ANLN: variants seen among roughly 807,000 people sequenced by gnomAD.
ANLN encodes the protein anillin.
Under a neutral mutation model 135.1 loss-of-function variants are expected in ANLN, and 59 were observed. That is an observed-to-expected ratio of 0.44 (90% CI 0.35 to 0.54). The LOEUF is 0.54. Ranked by LOEUF, ANLN falls within the 20% of genes least tolerant of loss-of-function variation. The probability of loss-of-function intolerance (pLI) is 0.00; values close to 1 mark genes in which losing one functional copy is unlikely to be tolerated. For missense variants in ANLN, 1,182 were observed against 1,340.0 expected (o/e 0.88, Z 1.84); for synonymous variants, 406 against 456.4 (o/e 0.89, Z 1.41).
chr7:36,425,630 G>C (rs919376605), intron 17 of ANLN, 72 bp from the exon 18 acceptor site: 7 of 1,191,248 alleles, frequency 5.9e-6, no homozygotes, highest in Non-Finnish European at 7.3e-6. Flanking sequence ...ATTTCTCAAG[G>C]TTGGATAGTT....
intron 23 of ANLN, among the ~76,000 whole-genome samples, chr7:36,451,505 T>A (rs767901447): frequency 6.6e-6 from 1 of 152,162 alleles, no homozygotes; most frequent in Non-Finnish European, 1.5e-5. Flanking sequence ...ACCTCCACAG[T>A]GACTAGAGAT....
In ANLN at chr7:36,449,666, A is replaced by T. The variant is rs375919058; in HGVS notation, c.3080A>T (p.Asn1027Ile). Residue 1027 changes from asparagine to isoleucine, a missense_variant and splice_region_variant, in exon 23 of 24, where the codon AAT (asparagine) becomes ATT (isoleucine). By Grantham distance (149) the Asn-to-Ile change is moderately radical. Transcript: ENST00000265748. ...WTYPDDEKRKNPIGRINLANC... is the reference protein window; with the variant it reads ...WTYPDDEKRKIPIGRINLANC... Reference sequence around the variant, plus strand: ...ATTTCTCTTAATTTGTTTTTAAAGAATCCCATAGGAAGGATAAATCTGGCT... The same window carrying T: ...ATTTCTCTTAATTTGTTTTTAAAGATTCCCATAGGAAGGATAAATCTGGCT... 1.2e-6 allele frequency: 2 copies of T among 1,605,114 alleles called. No individual in the cohort carries two copies. The highest frequency in any genetic ancestry group is 1.7e-5 in the Admixed American group (1 of 58,368).
chr7:36,444,374 C>G (rs1229936032), intron 22 of ANLN, among the ~76,000 whole-genome samples: 1 of 151,696 alleles, frequency 6.6e-6, no homozygotes. Flanking sequence ...TATCCATTCC[C>G]TATGATTTGA....
At position 36,422,660 on chromosome 7, in the gene ANLN, A is replaced by C; in HGVS notation, c.2327A>C (p.Glu776Ala). 1 of 1,608,434 alleles carries C rather than the reference A, an allele frequency of 6.2e-7. No homozygotes were observed. The highest frequency in any genetic ancestry group is 8.5e-7 in the Non-Finnish European group (1 of 1,178,528). The part of the protein sequence containing the change: ...ATGKRTLLID[E>A]LNKLKNEGPQ... ...GGGAAGAGAACACTTTTGATTGATG[A>C]ATTGAATAAATTGAAGAACGAAGGA... The change falls in exon 14 of 24, where the codon GAA becomes GCA. Residue 776 changes from glutamate to alanine, a missense_variant. This residue lies in a region of ANLN where 1,022 missense variants were observed against 1,134.0 expected (regional missense o/e 0.90). Transcript: ENST00000265748.
At chr7:36,396,552 A>G (rs983269500) in intron 2 of ANLN, 133 bp downstream of exon 2, 1 of 790,428 alleles carries the variant, frequency 1.3e-6, no homozygotes, top group Non-Finnish European at 1.8e-6. Context: ...TGGGGGAAAT[A>G]ACAGCCTTCT....
At chr7:36,406,089 C>G in intron 3 of ANLN, 92 bp from the exon 4 acceptor site, 6 of 1,243,444 alleles carry the variant, frequency 4.8e-6, no homozygotes, top group Non-Finnish European at 6.5e-6. Context: ...CTATTAATCT[C>G]ATTTAAAAAT....
chr7:36,395,741 C>T (rs946710012), intron 1 of ANLN, among the ~76,000 whole-genome samples: 1 of 151,876 alleles, frequency 6.6e-6, no homozygotes, highest in Non-Finnish European at 1.5e-5. Context: ...AGTGATCTGG[C>T]AGATTATCTG....
intron 7 of ANLN, 100 bp from the exon 8 acceptor site, chr7:36,415,658 A>C: frequency 3.9e-6 from 5 of 1,296,496 alleles, no homozygotes; most frequent in Non-Finnish European, 5.2e-6. Flanking sequence ...AAACTTATAC[A>C]GAATAATATT....
rs772861024 is a variant in ANLN at position 36,390,058 on chromosome 7, C to T, written c.18+14C>T. 6.2e-6 allele frequency: 10 copies of T among 1,613,422 alleles called. No individual in the cohort carries two copies. In the East Asian group the frequency reaches 8.9e-5, roughly 14 times the overall value. Reference sequence around the variant, plus strand: ...CCGTTTACGGAGGTGAGTGAGTTTGCGGGTGCAGCCAGCCATGACCCACCG... The same window carrying T: ...CCGTTTACGGAGGTGAGTGAGTTTGTGGGTGCAGCCAGCCATGACCCACCG... On this transcript the variant is annotated intron_variant, in intron 1 of 23. Coordinates refer to ENST00000265748, the MANE Select transcript of ANLN (RefSeq NM_018685.5).
intron 21 of ANLN, among the ~76,000 whole-genome samples, 181 bp downstream of exon 21, chr7:36,439,471 A>G (rs888720150): frequency 1.8e-4 from 28 of 152,260 alleles, no homozygotes; most frequent in African/African-American, 6.8e-4. Flanking sequence ...CACAAAAAAT[A>G]ATTCCTCTGC....
intron 3 of ANLN, among the ~76,000 whole-genome samples, chr7:36,401,032 G>C (rs1352077673): frequency 6.6e-6 from 1 of 152,162 alleles, no homozygotes. Context: ...CTGAAATGTT[G>C]ATAAGAATTA....
chr7:36,391,951 T>A (rs1296083618), intron 1 of ANLN, among the ~76,000 whole-genome samples: 1 of 151,902 alleles, frequency 6.6e-6, no homozygotes, highest in Non-Finnish European at 1.5e-5. Flanking sequence ...CACTCTTTTT[T>A]TTTTTAAGAC....
chr7:36,390,532 A>C (rs1786401381), intron 1 of ANLN: 2 of 160,880 alleles, frequency 1.2e-5, no homozygotes, highest in Non-Finnish European at 2.7e-5. Flanking sequence ...CAAAACGTTA[A>C]AATAAGCAGG....
chr7:36,397,648 C>T (rs1029038270), intron 2 of ANLN, among the ~76,000 whole-genome samples: 3 of 152,204 alleles, frequency 2.0e-5, no homozygotes, highest in Admixed American at 6.5e-5. Context: ...TGTAGTGGCT[C>T]ACGCCTGTAA....
intron 20 of ANLN, among the ~76,000 whole-genome samples, chr7:36,427,308 T>C (rs891072689): frequency 3.3e-5 from 5 of 152,092 alleles, no homozygotes; most frequent in Non-Finnish European, 7.4e-5. Context: ...TGCATTTAGA[T>C]GTTAAGTTTA....
At chr7:36,419,505 C>A in intron 10 of ANLN, 26 bp downstream of exon 10, 1 of 1,584,762 alleles carries the variant, frequency 6.3e-7, no homozygotes, top group African/African-American at 1.3e-5. Context: ...CTAAACAGGC[C>A]CAGGACATAA....
chr7:36,423,144 A>T (rs1397815875), intron 14 of ANLN, among the ~76,000 whole-genome samples: 1 of 152,168 alleles, frequency 6.6e-6, no homozygotes, highest in Non-Finnish European at 1.5e-5. Flanking sequence ...ATAAAGGAAT[A>T]CTGAACTGAT....
intron 23 of ANLN, among the ~76,000 whole-genome samples, chr7:36,451,192 T>C (rs973083759): frequency 6.6e-6 from 1 of 152,252 alleles, no homozygotes; most frequent in Non-Finnish European, 1.5e-5. Flanking sequence ...ATGTGTTTCC[T>C]TACGGGGCCT....
At chr7:36,428,839 C>T (rs1396775416) in intron 20 of ANLN, among the ~76,000 whole-genome samples, 4 of 140,408 alleles carry the variant, frequency 2.8e-5, no homozygotes, top group African/African-American at 5.3e-5. Context: ...AGTGCAGTGG[C>T]GTGATCGTGG....
Sources: gnomAD v4.1 joint callset for allele counts (sites outside exome capture counted in the v4.1 genomes callset) on GRCh38, gnomAD v4.1.1 for gene constraint, gnomAD v4.1.1 regional missense constraint, MANE v1.5 for transcripts, NCBI Gene and HGNC (gene_info 2026-07-23, HGNC 2026-07-21) for gene names.